The following XKR4 variants were observed in gnomAD, a reference collection of about 807,000 sequenced individuals.
XKR4 encodes the protein XK related 4, also known as XK-related protein 4.
Under a neutral mutation model 53.9 loss-of-function variants are expected in XKR4, and 12 were observed. The ratio of observed to expected loss-of-function variants is 0.22; its 90% CI spans 0.14 to 0.36. The LOEUF (loss-of-function observed/expected upper bound fraction) is 0.36. Among genes scored for constraint, XKR4 ranks in the 10% least tolerant of loss-of-function variants. The pLI, the probability that XKR4 is intolerant of heterozygous loss-of-function variation, is 1.00. For synonymous variants in XKR4, 354 were observed against 362.4 expected (o/e 0.98, Z 0.26); for missense variants, 799 against 859.5 (o/e 0.93, Z 0.88).
chr8:55,504,132 A>C (rs1407559573), intron 2 of XKR4, among the ~76,000 whole-genome samples: 1 of 152,142 alleles, frequency 6.6e-6, no homozygotes, highest in Non-Finnish European at 1.5e-5. Flanking sequence ...GGATTTTTGC[A>C]TCAATGTTCA....
chr8:55,115,611 C>A (rs970862551), intron 1 of XKR4, among the ~76,000 whole-genome samples: 2 of 152,066 alleles, frequency 1.3e-5, no homozygotes, highest in African/African-American at 4.8e-5. Flanking sequence ...GGTGAAACCT[C>A]ATCTCTACTC....
At chr8:55,293,779 T>C (rs878884097) in intron 1 of XKR4, among the ~76,000 whole-genome samples, 20 of 152,204 alleles carry the variant, frequency 1.3e-4, no homozygotes, top group Admixed American at 1.3e-3. Context: ...GATTCAAAGA[T>C]AAATTTGAGC....
chr8:55,244,841 C>G (rs1262840715), intron 1 of XKR4, among the ~76,000 whole-genome samples: 1 of 150,318 alleles, frequency 6.7e-6, no homozygotes, highest in South Asian at 2.1e-4. Context: ...TTCATATGCT[C>G]GCTGGCTGCA....
chr8:55,358,000 C>T, intron 2 of XKR4, 123 bp downstream of exon 2: 1 of 960,542 alleles, frequency 1.0e-6, no homozygotes, highest in South Asian at 1.7e-5. Context: ...TGCTGTTTTA[C>T]ATGTGTTTCG....
intron 1 of XKR4, among the ~76,000 whole-genome samples, chr8:55,218,194 A>G (rs888699706): frequency 1.3e-5 from 2 of 152,204 alleles, no homozygotes; most frequent in Admixed American, 6.5e-5. Flanking sequence ...TATCTGCACA[A>G]TGTCTTACAG....
chr8:55,138,172 T>C (rs1221973150), intron 1 of XKR4, among the ~76,000 whole-genome samples: 1 of 152,150 alleles, frequency 6.6e-6, no homozygotes, highest in African/African-American at 2.4e-5. Flanking sequence ...TTCCTTTTTT[T>C]TTGTTCTCAG....
At chr8:55,258,192 A>G (rs1818467762) in intron 1 of XKR4, among the ~76,000 whole-genome samples, 1 of 152,188 alleles carries the variant, frequency 6.6e-6, no homozygotes, top group African/African-American at 2.4e-5. Context: ...CACTGGGTAT[A>G]TCCTCCAAAG....
intron 1 of XKR4, among the ~76,000 whole-genome samples, chr8:55,147,092 T>G (rs555525840): frequency 6.6e-6 from 1 of 152,370 alleles, no homozygotes; most frequent in Non-Finnish European, 1.5e-5. Context: ...ATATTCATAC[T>G]TATCACTAAA....
intron 1 of XKR4, among the ~76,000 whole-genome samples, chr8:55,236,851 A>G (rs562790717): frequency 6.6e-6 from 1 of 152,294 alleles, no homozygotes; most frequent in Admixed American, 6.5e-5. Flanking sequence ...AGGGAAACCA[A>G]GCCACTTTGA....
intron 1 of XKR4, among the ~76,000 whole-genome samples, chr8:55,355,875 T>C (rs1563331438): frequency 6.6e-6 from 1 of 152,226 alleles, no homozygotes; most frequent in African/African-American, 2.4e-5. Context: ...TCTTGGCATC[T>C]GAGAATCTTT....
chr8:55,304,515 A>G (rs1236525371), intron 1 of XKR4, among the ~76,000 whole-genome samples: 3 of 152,132 alleles, frequency 2.0e-5, no homozygotes, highest in Non-Finnish European at 4.4e-5. Context: ...TTTTAGGTCC[A>G]CTTGGTGCAG....
chr8:55,260,164 T>C (rs1019033396), intron 1 of XKR4, among the ~76,000 whole-genome samples: 1 of 152,208 alleles, frequency 6.6e-6, no homozygotes, highest in African/African-American at 2.4e-5. Context: ...TTGCAGAATA[T>C]ATGGACAAAT....
At chr8:55,221,000 A>T (rs1817873864) in intron 1 of XKR4, among the ~76,000 whole-genome samples, 1 of 152,220 alleles carries the variant, frequency 6.6e-6, no homozygotes, top group African/African-American at 2.4e-5. Context: ...ATGTCCAATG[A>T]TTATCTCTTT....
chr8:55,430,308 C>T (rs1012532523), intron 2 of XKR4, among the ~76,000 whole-genome samples: 2 of 152,084 alleles, frequency 1.3e-5, no homozygotes, highest in Non-Finnish European at 2.9e-5. Flanking sequence ...GACACTTATG[C>T]TAGAGAAATT....
chr8:55,440,640 G>T (rs898807179), intron 2 of XKR4, among the ~76,000 whole-genome samples: 3 of 151,914 alleles, frequency 2.0e-5, no homozygotes, highest in Non-Finnish European at 4.4e-5. Context: ...TCAATCAAAG[G>T]GATGACAAGA....
At chr8:55,465,085 C>T (rs1187498948) in intron 2 of XKR4, among the ~76,000 whole-genome samples, 1 of 152,060 alleles carries the variant, frequency 6.6e-6, no homozygotes, top group African/African-American at 2.4e-5. Flanking sequence ...AGTTTCAGTG[C>T]CATCCCCATC....
chr8:55,281,104 T>C (rs1368254782), intron 1 of XKR4, among the ~76,000 whole-genome samples: 1 of 152,222 alleles, frequency 6.6e-6, no homozygotes, highest in Non-Finnish European at 1.5e-5. Flanking sequence ...AAAAGTAACA[T>C]CCTTATTTGC....
chr8:55,148,659 T>G (rs1381342330), intron 1 of XKR4, among the ~76,000 whole-genome samples: 3 of 152,238 alleles, frequency 2.0e-5, no homozygotes, highest in Non-Finnish European at 2.9e-5. Context: ...ATTTAATTAC[T>G]TTAGGATTAT....
At chr8:55,121,845 C>T (rs1206236331) in intron 1 of XKR4, among the ~76,000 whole-genome samples, 1 of 151,746 alleles carries the variant, frequency 6.6e-6, no homozygotes, top group Non-Finnish European at 1.5e-5. Flanking sequence ...CACACACACA[C>T]ACACACACAC....
Sources: gnomAD v4.1 joint callset for allele counts (sites outside exome capture counted in the v4.1 genomes callset) on GRCh38, gnomAD v4.1.1 for gene constraint, MANE v1.5 for transcripts, NCBI Gene and HGNC (gene_info 2026-07-23, HGNC 2026-07-21) for gene names.